The following CIMIP4 variants were observed in gnomAD, a reference collection of about 807,000 sequenced individuals.
CIMIP4 encodes ciliary microtubule inner protein 4.
chr22:36,999,980 T>C, the CIMIP4 span: 2 of 1,611,082 alleles, frequency 1.2e-6, no homozygotes, highest in East Asian at 4.5e-5. Flanking sequence ...AATAGCCTTT[T>C]GAGCCTGAGC....
chr22:36,997,789 A>G, the CIMIP4 span, among the ~76,000 whole-genome samples: 1 of 152,322 alleles, frequency 6.6e-6, no homozygotes, highest in South Asian at 2.1e-4. Flanking sequence ...TTCACGACCC[A>G]GCCTGTTTCC....
At chr22:36,995,370 A>G in the CIMIP4 span, among the ~76,000 whole-genome samples, 1 of 152,084 alleles carries the variant, frequency 6.6e-6, no homozygotes, top group Non-Finnish European at 1.5e-5. Flanking sequence ...TGCTGCATGG[A>G]GCAGATGAGG....
At chr22:37,001,927 C>T in the CIMIP4 span, 13 of 1,613,484 alleles carry the variant, frequency 8.1e-6, no homozygotes, top group Non-Finnish European at 1.1e-5. Flanking sequence ...GGTTCGTGGG[C>T]GTGCTCCTCT....
the CIMIP4 span, chr22:37,004,130 C>T: frequency 5.7e-5 from 61 of 1,066,398 alleles, no homozygotes; most frequent in African/African-American, 8.2e-4. Context: ...TGTCTGCCCG[C>T]CCCTGATCAG....
chr22:36,991,927 A>G, the CIMIP4 span, among the ~76,000 whole-genome samples: 1 of 152,246 alleles, frequency 6.6e-6, no homozygotes, highest in South Asian at 2.1e-4. Flanking sequence ...AGGAAAACTT[A>G]TCTCTGTTTT....
chr22:36,991,233 T>C, the CIMIP4 span: 1 of 1,614,236 alleles, frequency 6.2e-7, no homozygotes, highest in Non-Finnish European at 8.5e-7. Context: ...CTTCCAGTGC[T>C]TTCTGCAAGT....
the CIMIP4 span, among the ~76,000 whole-genome samples, chr22:37,001,477 C>A: frequency 6.6e-6 from 1 of 152,110 alleles, no homozygotes; most frequent in Non-Finnish European, 1.5e-5. Flanking sequence ...CCAATTCACA[C>A]AAAAGGCTTT....
At chr22:37,005,089 A>G in the CIMIP4 span, among the ~76,000 whole-genome samples, 1,085 of 152,270 alleles carry the variant, frequency 7.1e-3, 14 homozygotes, top group African/African-American at 0.025. Flanking sequence ...GGAGCAGCCC[A>G]TGGAGCAAGA....
the CIMIP4 span, chr22:36,991,481 C>A: frequency 1.2e-6 from 2 of 1,613,994 alleles, no homozygotes; most frequent in Admixed American, 3.3e-5. Flanking sequence ...CCTCACTTAC[C>A]CAGATCATCC....
the CIMIP4 span, chr22:37,002,174 G>A: frequency 6.7e-7 from 1 of 1,500,418 alleles, no homozygotes; most frequent in Non-Finnish European, 8.9e-7. Context: ...CAGGGGCAGG[G>A]GCTGTGGGGA....
the CIMIP4 span, among the ~76,000 whole-genome samples, chr22:36,999,556 G>A: frequency 7.1e-5 from 2 of 28,226 alleles, no homozygotes; most frequent in Non-Finnish European, 1.2e-4. Flanking sequence ...GGGAGAGAAG[G>A]GGAGGGGAGG....
the CIMIP4 span, among the ~76,000 whole-genome samples, chr22:36,996,410 T>G: frequency 1.3e-5 from 2 of 151,298 alleles, no homozygotes; most frequent in Admixed American, 6.6e-5. Flanking sequence ...AAAATATAAT[T>G]TTAAAAAGAT....
chr22:37,000,869 A>G, the CIMIP4 span, among the ~76,000 whole-genome samples: 1 of 152,164 alleles, frequency 6.6e-6, no homozygotes, highest in Non-Finnish European at 1.5e-5. Context: ...GACCTTCCAG[A>G]CTTGCTGGTG....
the CIMIP4 span, among the ~76,000 whole-genome samples, chr22:37,000,228 C>T: frequency 6.6e-6 from 1 of 152,112 alleles, no homozygotes; most frequent in East Asian, 1.9e-4. Flanking sequence ...AAACCTCTTC[C>T]AAGCATTGAG....
the CIMIP4 span, among the ~76,000 whole-genome samples, chr22:36,995,410 GCTCTGACCTCCTT>G: frequency 6.6e-6 from 1 of 152,162 alleles, no homozygotes; most frequent in Non-Finnish European, 1.5e-5. Context: ...GGGGTGTTCT[GCTCTGACCTCCTT>G]CTGAAGCTGG....
At chr22:37,006,446 G>C in the CIMIP4 span, among the ~76,000 whole-genome samples, 3 of 152,186 alleles carry the variant, frequency 2.0e-5, no homozygotes, top group Non-Finnish European at 4.4e-5. Context: ...AATGTCACTA[G>C]TTCTTATCCT....
chr22:36,994,296 T>C, the CIMIP4 span, among the ~76,000 whole-genome samples: 1 of 152,046 alleles, frequency 6.6e-6, no homozygotes, highest in Non-Finnish European at 1.5e-5. Context: ...CAGAATCCCT[T>C]ACCCAAGAGA....
At chr22:36,991,570 C>T in the CIMIP4 span, 5 of 1,614,088 alleles carry the variant, frequency 3.1e-6, no homozygotes, top group Middle Eastern at 3.3e-4. Flanking sequence ...CTTCATGAGG[C>T]TCTTTGTCTC....
At chr22:36,995,402 G>T in the CIMIP4 span, among the ~76,000 whole-genome samples, 1 of 152,140 alleles carries the variant, frequency 6.6e-6, no homozygotes, top group Non-Finnish European at 1.5e-5. Context: ...AGCCCACAGG[G>T]GTGTTCTGCT....
Sources: allele counts gnomAD v4.1 joint callset (sites outside exome capture counted in the v4.1 genomes callset), GRCh38; gene constraint gnomAD v4.1.1; transcripts MANE v1.5; gene names NCBI Gene and HGNC (gene_info 2026-07-23, HGNC 2026-07-21).